The following SLC9A9 variants were observed in gnomAD, a reference collection of about 807,000 sequenced individuals.
The protein encoded by SLC9A9 is solute carrier family 9 member A9, also known as sodium/hydrogen exchanger 9.
SLC9A9 carries 62 observed loss-of-function variants against 77.8 expected under a neutral mutation model. That is an observed-to-expected ratio of 0.80 (90% CI 0.65 to 0.98). SLC9A9 has a LOEUF of 0.98. Among genes scored for constraint, SLC9A9 ranks in the 50% least tolerant of loss-of-function variants. SLC9A9 has a pLI of 0.00. For synonymous variants in SLC9A9, 320 were observed against 283.5 expected (o/e 1.13, Z -1.29); for missense variants, 775 against 774.9 (o/e 1.00, Z 0.00).
chr3:143,537,195 G>A (rs2036603950), intron 9 of SLC9A9, among the ~76,000 whole-genome samples: 2 of 152,206 alleles, frequency 1.3e-5, no homozygotes, highest in South Asian at 4.1e-4. Context: ...AATCACTTAG[G>A]TAGAGTTTAA....
At chr3:143,492,063 C>T (rs997811649) in intron 11 of SLC9A9, among the ~76,000 whole-genome samples, 3 of 152,054 alleles carry the variant, frequency 2.0e-5, no homozygotes, top group Admixed American at 1.3e-4. Context: ...GAGGCCGGGG[C>T]GGGTGGATCA....
chr3:143,489,681 C>A (rs1187121330), intron 11 of SLC9A9, among the ~76,000 whole-genome samples: 1 of 151,852 alleles, frequency 6.6e-6, no homozygotes, highest in Non-Finnish European at 1.5e-5. Flanking sequence ...AATTAAATTT[C>A]TTGAAAAATT....
intron 13 of SLC9A9, among the ~76,000 whole-genome samples, chr3:143,372,450 T>C (rs2033078767): frequency 6.6e-6 from 1 of 151,880 alleles, no homozygotes; most frequent in Non-Finnish European, 1.5e-5. Flanking sequence ...TCTTTCTCTC[T>C]CACCTTATAA....
chr3:143,822,450 G>A (rs575879494), intron 2 of SLC9A9, among the ~76,000 whole-genome samples: 1 of 151,584 alleles, frequency 6.6e-6, no homozygotes, highest in Admixed American at 6.5e-5. Flanking sequence ...AGAAATGGAT[G>A]TGAAGGGAGC....
chr3:143,379,231 C>T (rs934307423), intron 13 of SLC9A9, among the ~76,000 whole-genome samples: 2 of 152,086 alleles, frequency 1.3e-5, no homozygotes, highest in Non-Finnish European at 2.9e-5. Context: ...AACATACAAT[C>T]CTCCTAAGAA....
intron 4 of SLC9A9, among the ~76,000 whole-genome samples, chr3:143,743,244 TAG>T (rs1560059075): frequency 1.5e-5 from 1 of 66,902 alleles, no homozygotes; most frequent in East Asian, 3.1e-4. Flanking sequence ...GATGGATGGA[TAG>T]ATAGATAGAT....
chr3:143,434,934 C>T (rs1228116591), intron 12 of SLC9A9, among the ~76,000 whole-genome samples: 4 of 152,118 alleles, frequency 2.6e-5, no homozygotes, highest in South Asian at 4.2e-4. Flanking sequence ...ACCTCCCTGC[C>T]GCTGCTCATT....
intron 12 of SLC9A9, among the ~76,000 whole-genome samples, chr3:143,437,692 G>C (rs2034648731): frequency 6.6e-6 from 1 of 152,164 alleles, no homozygotes; most frequent in Admixed American, 6.5e-5. Context: ...TAGGGTCTTG[G>C]GGAAAGAATA....
At chr3:143,565,753 C>T (rs2037158565) in intron 8 of SLC9A9, among the ~76,000 whole-genome samples, 1 of 151,822 alleles carries the variant, frequency 6.6e-6, no homozygotes, top group Non-Finnish European at 1.5e-5. Flanking sequence ...CACTTCACCT[C>T]ATTTGTTGGT....
At chr3:143,751,935 T>C (rs1340153874) in intron 4 of SLC9A9, among the ~76,000 whole-genome samples, 1 of 152,116 alleles carries the variant, frequency 6.6e-6, no homozygotes, top group African/African-American at 2.4e-5. Flanking sequence ...GCATCCTCAG[T>C]GAGGCTGACT....
At chr3:143,336,533 A>G (rs1280018255) in intron 14 of SLC9A9, among the ~76,000 whole-genome samples, 1 of 152,174 alleles carries the variant, frequency 6.6e-6, no homozygotes, top group Non-Finnish European at 1.5e-5. Context: ...TGTGGTATGT[A>G]TAATACATAC....
chr3:143,778,036 G>GAAAAAAAAAAAAAAAAAAAAAAAA, intron 4 of SLC9A9, among the ~76,000 whole-genome samples: 1 of 5,240 alleles, frequency 1.9e-4, no homozygotes, highest in Non-Finnish European at 4.1e-4. Context: ...TTTATAAAAT[G>GAAAAAAAAAAAAAAAAAAAAAAAA]CAAAAAAAAA....
chr3:143,834,044 A>C (rs1186844091), intron 1 of SLC9A9, among the ~76,000 whole-genome samples: 1 of 152,188 alleles, frequency 6.6e-6, no homozygotes, highest in Non-Finnish European at 1.5e-5. Context: ...TCATGCTTTC[A>C]TGTGAGAACC....
At chr3:143,594,761 A>C (rs1028624852) in intron 6 of SLC9A9, among the ~76,000 whole-genome samples, 1 of 124,202 alleles carries the variant, frequency 8.1e-6, no homozygotes, top group Admixed American at 8.1e-5. Context: ...TTAAACCAGA[A>C]AAAAAAAATG....
chr3:143,452,794 G>A (rs575211472), intron 12 of SLC9A9, among the ~76,000 whole-genome samples: 3 of 151,678 alleles, frequency 2.0e-5, no homozygotes, highest in Non-Finnish European at 2.9e-5. Flanking sequence ...ATTTCTAGGT[G>A]CAATAATGGT....
Position 143,501,654 on chromosome 3 carries a change from T to A in SLC9A9, c.1090-6206A>T, listed in dbSNP as rs537587298. Reference sequence around the variant, plus strand: ...ATATGATAGAATCACTTATTTTCAATTGTAGATGGTTGTTGGCATTTTAAA... The same window carrying A: ...ATATGATAGAATCACTTATTTTCAAATGTAGATGGTTGTTGGCATTTTAAA... On this transcript the variant is annotated intron_variant, in intron 9 of 15. Coordinates refer to ENST00000316549, the MANE Select transcript of SLC9A9 (RefSeq NM_173653.4). Among the ~76,000 whole-genome samples the A allele has an allele frequency of 1.8e-4, 27 of 151,116 alleles. 4 individuals are homozygous for A. The highest frequency in any genetic ancestry group is 6.7e-4 in the African/African-American group (27 of 40,420).
chr3:143,365,205 T>C (rs1412317926), intron 13 of SLC9A9, among the ~76,000 whole-genome samples: 1 of 152,156 alleles, frequency 6.6e-6, no homozygotes, highest in East Asian at 1.9e-4. Flanking sequence ...ATGTTCTTAC[T>C]TATAAGTGGA....
chr3:143,345,722 C>T (rs1485096219), intron 14 of SLC9A9, among the ~76,000 whole-genome samples: 1 of 152,156 alleles, frequency 6.6e-6, no homozygotes, highest in African/African-American at 2.4e-5. Context: ...CAGGGCTCAT[C>T]TATGCAGATA....
chr3:143,713,206 G>C (rs749565149), intron 4 of SLC9A9, among the ~76,000 whole-genome samples: 1 of 152,220 alleles, frequency 6.6e-6, no homozygotes, highest in Non-Finnish European at 1.5e-5. Context: ...GGAGGGAAGA[G>C]AACTGTATCA....
Sources: gnomAD v4.1 joint callset for allele counts (sites outside exome capture counted in the v4.1 genomes callset) on GRCh38, gnomAD v4.1.1 for gene constraint, MANE v1.5 for transcripts, NCBI Gene and HGNC (gene_info 2026-07-23, HGNC 2026-07-21) for gene names.